Variants in KHDRBS1 observed in about 807,000 individuals in gnomAD.
KHDRBS1 encodes the protein KH RNA binding domain containing, signal transduction associated 1, also known as KH domain-containing, RNA-binding, signal transduction-associated protein 1.
In KHDRBS1, 7 loss-of-function variants were observed where a neutral mutation model predicts 48.4. The ratio of observed to expected loss-of-function variants is 0.14; its 90% confidence interval spans 0.08 to 0.27. The LOEUF (loss-of-function observed/expected upper bound fraction) is 0.27, where lower values mean the gene tolerates loss of function less well. KHDRBS1 is among the 10% of genes least tolerant of loss of function. The pLI is 1.00. For synonymous variants in KHDRBS1, 241 were observed against 235.8 expected (o/e 1.02, Z -0.20); for missense variants, 458 against 601.2 (o/e 0.76, Z 2.49).
chr1:32,049,043 GT>G (rs950094488), intron 10 of KHDRBS1, among the ~76,000 whole-genome samples: 5 of 143,294 alleles, frequency 3.5e-5, no homozygotes, highest in African/African-American at 5.1e-5. Context: ...CTTCCTTTTT[GT>G]TTTTTTTTTG....
At chr1:32,031,003 C>T (rs1369822440) in intron 2 of KHDRBS1, among the ~76,000 whole-genome samples, 1 of 152,130 alleles carries the variant, frequency 6.6e-6, no homozygotes, top group Non-Finnish European at 1.5e-5. Flanking sequence ...AATGCCAGCA[C>T]TTTGGGAGGC....
rs748138125 is a variant in KHDRBS1, at chr1:32,042,559, C to T, written c.1267C>T (p.Leu423=). The part of the protein sequence containing the change: ...QDDWNGTRPS[L]KAPPARPVKG... ...CGACTGGAATGGGACCAGGCCGTCG[C>T]TGAAGGCCCCTCCTGCTAGGCCAGT... is the stretch of plus-strand genomic sequence containing the variant. The change falls in exon 9 of 9, where the codon CTG becomes TTG. Residue 423 remains leucine, a synonymous_variant. Transcript: ENST00000327300. 8 of 1,613,852 alleles carry T rather than the reference C, an allele frequency of 5.0e-6. No homozygotes were observed. Among genetic ancestry groups the T allele is most frequent in the Non-Finnish European group, 5.1e-6 (6 of 1,179,752 alleles).
At chr1:32,050,408 TTC>T (rs1283647881) in intron 10 of KHDRBS1, among the ~76,000 whole-genome samples, 11 of 152,322 alleles carry the variant, frequency 7.2e-5, no homozygotes, top group Admixed American at 2.6e-4. Flanking sequence ...ATCTGTTTTT[TTC>T]TTTTTTGTCA....
At chr1:32,030,876 T>C (rs1639068345) in intron 2 of KHDRBS1, among the ~76,000 whole-genome samples, 1 of 152,018 alleles carries the variant, frequency 6.6e-6, no homozygotes, top group Non-Finnish European at 1.5e-5. Flanking sequence ...TAGTTACATT[T>C]AGTTTATCCA....
chr1:32,047,747 A>G (rs1172272068), downstream of KHDRBS1, among the ~76,000 whole-genome samples: 1 of 152,198 alleles, frequency 6.6e-6, no homozygotes, highest in Non-Finnish European at 1.5e-5. Flanking sequence ...AAAGTGTACA[A>G]TGCAGTAGTT....
At chr1:32,029,560 G>A (rs1476453778) in intron 1 of KHDRBS1, among the ~76,000 whole-genome samples, 1 of 152,142 alleles carries the variant, frequency 6.6e-6, no homozygotes, top group African/African-American at 2.4e-5. Flanking sequence ...GGGAGGCTGA[G>A]GCAGAAGAAT....
chr1:32,029,065 A>G (rs529025788), intron 1 of KHDRBS1, among the ~76,000 whole-genome samples: 1 of 152,270 alleles, frequency 6.6e-6, no homozygotes, highest in African/African-American at 2.4e-5. Flanking sequence ...GATTGTACCT[A>G]TTATAGCCCT....
Position 32,033,166 on chromosome 1 carries a change from A to G in KHDRBS1, c.625-22A>G, listed in dbSNP as rs1318577664. On this transcript the variant is annotated intron_variant, in intron 3 of 8. Transcript: ENST00000327300. ...TTTTCTCCCTAGTCCATGGTGTGAC[A>G]TTTCTCTGCATTTTTCCATAGGAGG... 3.1e-6 allele frequency: 5 copies of G among 1,608,346 alleles called. No individual in the cohort carries two copies. The South Asian group carries it at 3.3e-5, about 11-fold the overall frequency.
intron 1 of KHDRBS1, among the ~76,000 whole-genome samples, chr1:32,019,491 A>G (rs976054659): frequency 5.3e-5 from 8 of 152,290 alleles, no homozygotes; most frequent in South Asian, 2.1e-4. Flanking sequence ...CAGAGGTTGC[A>G]GTGAGCTGAG....
intron 10 of KHDRBS1, among the ~76,000 whole-genome samples, chr1:32,058,741 T>C (rs6672401): frequency 0.031 from 4,794 of 152,208 alleles, 243 homozygotes; most frequent in African/African-American, 0.11. Context: ...AAGCAGAGGT[T>C]GTAGTGAATT....
chr1:32,024,382 C>T (rs907849885), intron 1 of KHDRBS1, among the ~76,000 whole-genome samples: 2 of 152,124 alleles, frequency 1.3e-5, no homozygotes, highest in Non-Finnish European at 2.9e-5. Context: ...CCCATTATGG[C>T]TCACCACAGC....
At chr1:32,054,601 T>C (rs969054636) in intron 10 of KHDRBS1, 20 of 152,198 alleles carry the variant, frequency 1.3e-4, no homozygotes, top group African/African-American at 4.8e-4. Flanking sequence ...TGCTCACCAC[T>C]AGAAGTCCTC....
chr1:32,044,887 A>T (rs933607077), downstream of KHDRBS1, among the ~76,000 whole-genome samples: 2 of 152,250 alleles, frequency 1.3e-5, no homozygotes, highest in African/African-American at 4.8e-5. Flanking sequence ...AGCAACTTGC[A>T]TAAACAATTC....
intron 1 of KHDRBS1, among the ~76,000 whole-genome samples, chr1:32,021,993 C>T (rs1459078020): frequency 5.5e-5 from 8 of 146,252 alleles, no homozygotes; most frequent in Admixed American, 4.1e-4. Flanking sequence ...TGGAGTCTTG[C>T]TCTGTCACCC....
At chr1:32,030,920 T>C (rs1238450931) in intron 2 of KHDRBS1, among the ~76,000 whole-genome samples, 1 of 152,078 alleles carries the variant, frequency 6.6e-6, no homozygotes, top group Non-Finnish European at 1.5e-5. Context: ...TAGTCTCTTC[T>C]GTTCTGAGGT....
intron 5 of KHDRBS1, among the ~76,000 whole-genome samples, chr1:32,037,519 T>C (rs1639205978): frequency 6.6e-6 from 1 of 152,216 alleles, no homozygotes; most frequent in South Asian, 2.1e-4. Flanking sequence ...GCTGAAACTT[T>C]TGGTCTTCTA....
At chr1:32,027,879 G>A (rs183062758) in intron 1 of KHDRBS1, among the ~76,000 whole-genome samples, 3 of 152,164 alleles carry the variant, frequency 2.0e-5, no homozygotes, top group Non-Finnish European at 4.4e-5. Context: ...TTGGGAGGCC[G>A]AGGCGAGTGG....
At chr1:32,035,243 CG>C (rs1557895566) in intron 4 of KHDRBS1, among the ~76,000 whole-genome samples, 1 of 151,830 alleles carries the variant, frequency 6.6e-6, no homozygotes, top group African/African-American at 2.4e-5. Context: ...AGATGCTTGC[CG>C]GGGAGATGTG....
downstream of KHDRBS1, among the ~76,000 whole-genome samples, chr1:32,044,722 T>C (rs1488334151): frequency 6.6e-6 from 1 of 152,176 alleles, no homozygotes; most frequent in African/African-American, 2.4e-5. Context: ...ATGTCTTGTT[T>C]TGATGAAAAG....
Sources: gnomAD v4.1 joint callset for allele counts (sites outside exome capture counted in the v4.1 genomes callset) on GRCh38, gnomAD v4.1.1 for gene constraint, MANE v1.5 for transcripts, NCBI Gene and HGNC (gene_info 2026-07-23, HGNC 2026-07-21) for gene names.